Variants in ZDHHC14 observed in about 807,000 individuals in gnomAD.
ZDHHC14 encodes the protein zDHHC palmitoyltransferase 14.
ZDHHC14 carries 16 observed loss-of-function variants against 47.7 expected under a neutral mutation model. That is an observed-to-expected ratio of 0.34 (90% confidence interval 0.23 to 0.51). ZDHHC14 has a LOEUF of 0.51. ZDHHC14 is among the 20% of genes least tolerant of loss of function. The pLI, the probability that ZDHHC14 is intolerant of heterozygous loss-of-function variation, is 0.97. For synonymous variants in ZDHHC14, 293 were observed against 278.9 expected (o/e 1.05, Z -0.50); for missense variants, 515 against 662.5 (o/e 0.78, Z 2.44).
At chr6:157,560,909 T>G (rs1782682389) in intron 2 of ZDHHC14, among the ~76,000 whole-genome samples, 1 of 152,174 alleles carries the variant, frequency 6.6e-6, no homozygotes, top group Admixed American at 6.5e-5. Flanking sequence ...AAGCACAACA[T>G]TATGAGGCGT....
At chr6:157,383,286 C>T (rs148891172) in intron 1 of ZDHHC14, among the ~76,000 whole-genome samples, 1 of 152,076 alleles carries the variant, frequency 6.6e-6, no homozygotes, top group Non-Finnish European at 1.5e-5. Context: ...ACTTTTTTCC[C>T]CTCAGAATTT....
chr6:157,672,921 G>A lies in ZDHHC14; in HGVS notation c.1266G>A (p.Thr422=), dbSNP rs756353858. 66 of 1,602,680 alleles carry A rather than the reference G, an allele frequency of 4.1e-5. No homozygotes were observed. The highest frequency in any genetic ancestry group is 1.8e-4 in the Middle Eastern group (1 of 5,692). Residue 422 remains threonine, a synonymous_variant, in exon 9 of 9, where the codon ACG becomes ACA. Transcript: ENST00000359775. Reference sequence around the variant, plus strand: ...CCATGCCCAACCTCGCCGAGGCCACGCTCGCGGACGTGATGCCCCGGAAAG... The same window carrying A: ...CCATGCCCAACCTCGCCGAGGCCACACTCGCGGACGTGATGCCCCGGAAAG... ...PASMPNLAEA[T]LADVMPRKDE... is the part of the protein sequence containing the mutation.
intron 1 of ZDHHC14, among the ~76,000 whole-genome samples, chr6:157,422,067 G>T (rs976349237): frequency 1.3e-5 from 2 of 152,172 alleles, no homozygotes; most frequent in African/African-American, 4.8e-5. Context: ...GAGGAAACTC[G>T]AACCCACGTA....
intron 2 of ZDHHC14, among the ~76,000 whole-genome samples, chr6:157,566,181 GA>G (rs1181215742): frequency 2.6e-5 from 4 of 152,168 alleles, no homozygotes; most frequent in Non-Finnish European, 5.9e-5. Context: ...TTTGAGAGAA[GA>G]AAAGCTCTAT....
intron 7 of ZDHHC14, among the ~76,000 whole-genome samples, chr6:157,653,026 C>T (rs1439669819): frequency 1.3e-5 from 2 of 152,128 alleles, no homozygotes; most frequent in Non-Finnish European, 2.9e-5. Flanking sequence ...GGGGAAGAGT[C>T]CAAACAAAAA....
At chr6:157,482,260 C>CTTTTTTTTTTTT (rs1231434907) in intron 1 of ZDHHC14, among the ~76,000 whole-genome samples, 4 of 127,548 alleles carry the variant, frequency 3.1e-5, no homozygotes, top group South Asian at 2.5e-4. Flanking sequence ...CTTTTCTTTT[C>CTTTTTTTTTTTT]TTTTTTTTTT....
At chr6:157,438,008 TG>T (rs1290265781) in intron 1 of ZDHHC14, among the ~76,000 whole-genome samples, 12 of 152,188 alleles carry the variant, frequency 7.9e-5, no homozygotes, top group Non-Finnish European at 1.3e-4. Context: ...TGAACTATCA[TG>T]TTTTTTTTAT....
At position 157,423,972 on chromosome 6, in the gene ZDHHC14, C is replaced by A. The variant is rs577692127; in HGVS notation, c.245+41706C>A. On this transcript the variant is annotated intron_variant, in intron 1 of 8. Coordinates refer to ENST00000359775, the MANE Select transcript of ZDHHC14 (RefSeq NM_024630.3). ...TGTGTAGCTCCCAAACAAAGCCCAG[C>A]CTGGCAGGCGCTTGAGGTAAGCTGG... Among the ~76,000 whole-genome samples, 4 of 152,338 alleles carry A rather than the reference C, an allele frequency of 2.6e-5. No individual in the cohort carries two copies. The South Asian group carries it at 6.2e-4, about 24-fold the overall frequency.
rs112094113 is a variant in ZDHHC14 at position 157,554,862 on chromosome 6, C to A, written c.406+12117C>A. On this transcript the variant is annotated intron_variant, in intron 2 of 8. Coordinates refer to ENST00000359775, the MANE Select transcript of ZDHHC14 (RefSeq NM_024630.3). ...CCTATGACTCTCATCAGCCTTGCCTCAGCTGTTGACTTCTTGGGCAGGGTC... is the reference window on the plus strand; with the variant it reads ...CCTATGACTCTCATCAGCCTTGCCTAAGCTGTTGACTTCTTGGGCAGGGTC... Among the ~76,000 whole-genome samples, 765 of 152,314 alleles carry A rather than the reference C, an allele frequency of 5.0e-3. 10 individuals are homozygous for A. Among genetic ancestry groups the A allele is most frequent in the African/African-American group, 0.018 (733 of 41,562 alleles).
chr6:157,565,131 C>T (rs1457425455), intron 2 of ZDHHC14, among the ~76,000 whole-genome samples: 1 of 151,950 alleles, frequency 6.6e-6, no homozygotes, highest in Non-Finnish European at 1.5e-5. Context: ...CCTGGAGTCC[C>T]AGCTACTTGA....
chr6:157,385,263 A>AT (rs1317070169), intron 1 of ZDHHC14, among the ~76,000 whole-genome samples: 2 of 149,940 alleles, frequency 1.3e-5, no homozygotes, highest in Non-Finnish European at 3.0e-5. Context: ...CAAGTTTTGT[A>AT]TTTTTTGTAG....
chr6:157,486,051 G>GT (rs1250214786), intron 1 of ZDHHC14, among the ~76,000 whole-genome samples: 4 of 152,126 alleles, frequency 2.6e-5, no homozygotes, highest in Non-Finnish European at 4.4e-5. Context: ...TGGTATCCTT[G>GT]TTTTTTTCCA....
intron 1 of ZDHHC14, among the ~76,000 whole-genome samples, chr6:157,431,931 G>A (rs146544670): frequency 5.3e-5 from 8 of 152,098 alleles, no homozygotes; most frequent in African/African-American, 1.7e-4. Context: ...GTTTTGCCAC[G>A]TTGCCCAGGC....
intron 1 of ZDHHC14, among the ~76,000 whole-genome samples, chr6:157,431,570 G>A (rs1778339320): frequency 6.6e-6 from 1 of 152,204 alleles, no homozygotes; most frequent in East Asian, 1.9e-4. Flanking sequence ...AAGGGTCTAG[G>A]TCATTGCTAG....
chr6:157,513,787 A>G (rs931414707), intron 1 of ZDHHC14, among the ~76,000 whole-genome samples: 9 of 152,172 alleles, frequency 5.9e-5, no homozygotes, highest in Admixed American at 3.9e-4. Flanking sequence ...ACAGCTAGTG[A>G]TGAGGTCAGA....
At chr6:157,617,922 G>A (rs1420151600) in intron 3 of ZDHHC14, among the ~76,000 whole-genome samples, 1 of 152,136 alleles carries the variant, frequency 6.6e-6, no homozygotes, top group Non-Finnish European at 1.5e-5. Flanking sequence ...GAATGTGAAT[G>A]AATATCGAAA....
At chr6:157,553,623 G>A (rs1170595664) in intron 2 of ZDHHC14, among the ~76,000 whole-genome samples, 3 of 151,074 alleles carry the variant, frequency 2.0e-5, no homozygotes, top group East Asian at 1.9e-4. Context: ...CTTTAGACTC[G>A]TATGCTGGGG....
At chr6:157,542,509 AC>A (rs1781803564) in intron 1 of ZDHHC14, 75 bp from the exon 2 acceptor site, 24 of 1,509,878 alleles carry the variant, frequency 1.6e-5, no homozygotes, top group Non-Finnish European at 1.9e-5. Context: ...GAAGATAAAG[AC>A]TGCTTACTGT....
At chr6:157,406,234 C>T (rs34767526) in intron 1 of ZDHHC14, among the ~76,000 whole-genome samples, 3,362 of 152,134 alleles carry the variant, frequency 0.022, 140 homozygotes, top group African/African-American at 0.077. Flanking sequence ...CCTGGAGGAC[C>T]GGGTGCTGAG....
Sources: allele counts gnomAD v4.1 joint callset (sites outside exome capture counted in the v4.1 genomes callset), GRCh38; gene constraint gnomAD v4.1.1; transcripts MANE v1.5; gene names NCBI Gene and HGNC (gene_info 2026-07-23, HGNC 2026-07-21).